FAAH: variants seen among roughly 807,000 people sequenced by gnomAD.
The protein encoded by FAAH is fatty acid amide hydrolase, also known as fatty-acid amide hydrolase 1.
In FAAH, 63 loss-of-function variants were observed where a neutral mutation model predicts 69.7. The observed-to-expected ratio is 0.90, with a 90% CI of 0.74 to 1.12. The LOEUF (loss-of-function observed/expected upper bound fraction) is 1.12. Among genes scored for constraint, FAAH ranks in the 50% most tolerant of loss-of-function variants. The pLI is 0.00. For missense variants in FAAH, 680 were observed against 755.0 expected (o/e 0.90, Z 1.16); for synonymous variants, 305 against 324.2 (o/e 0.94, Z 0.64).
intron 1 of FAAH, 85 bp downstream of exon 1, chr1:46,394,628 G>T: frequency 8.7e-7 from 1 of 1,145,178 alleles, no homozygotes; most frequent in South Asian, 3.1e-5. Flanking sequence ...CGAGGGACAG[G>T]GGATGGGGCG....
Position 46,411,543 on chromosome 1 carries a change from A to AG in FAAH, c.1317-65dup. The AG allele has an allele frequency of 6.5e-7, 1 of 1,543,368 alleles. No homozygotes were observed. The highest frequency in any genetic ancestry group is 8.9e-7 in the Non-Finnish European group (1 of 1,119,448). ...GGGTGAGATCTAGAGGGTTGGCAGT[A>AG]GGGGTCTGATGTTGCTGATCTCCGT... On this transcript the variant is annotated intron_variant, in intron 11 of 14. Coordinates refer to ENST00000243167, the MANE Select transcript of FAAH (RefSeq NM_001441.3). This position sits in a 1 kb window ranked among gnomAD's most constrained non-coding sequence, Gnocchi z 4.8.
At chr1:46,408,328 A>C in intron 7 of FAAH, 131 bp from the exon 8 acceptor site, 3 of 1,203,636 alleles carry the variant, frequency 2.5e-6, no homozygotes, top group Non-Finnish European at 3.7e-6. Flanking sequence ...GGTCAGATGC[A>C]GAAGGGGCTG....
chr1:46,411,543 A>G lies in FAAH; in HGVS notation c.1317-69A>G. 1.9e-6 allele frequency: 3 copies of G among 1,543,368 alleles called. No individual in the cohort carries two copies. The highest frequency in any genetic ancestry group is 2.3e-5 in the East Asian group (1 of 44,052). The stretch of plus-strand genomic sequence containing the variant: ...GGGTGAGATCTAGAGGGTTGGCAGT[A>G]GGGGTCTGATGTTGCTGATCTCCGT... On this transcript the variant is annotated intron_variant, in intron 11 of 14. Transcript: ENST00000243167. The surrounding 1 kb of genome is among the most constrained non-coding windows in gnomAD (Gnocchi z 4.8).
Position 46,404,544 on chromosome 1 carries a change from G to A in FAAH, c.310-470G>A, listed in dbSNP as rs1180312104. 6.6e-6 allele frequency among the ~76,000 whole-genome samples: 1 copy of A among 152,252 alleles called. No homozygotes were observed. The highest frequency in any genetic ancestry group is 1.5e-5 in the Non-Finnish European group (1 of 68,040). Reference sequence around the variant, plus strand: ...CATGTGGGGAAGGCGTGGGGTTGAGGAGAGACTGCTGGGCTCCGGGAGGCA... The same window carrying A: ...CATGTGGGGAAGGCGTGGGGTTGAGAAGAGACTGCTGGGCTCCGGGAGGCA... On this transcript the variant is annotated intron_variant, in intron 2 of 14. Coordinates refer to ENST00000243167, the MANE Select transcript of FAAH (RefSeq NM_001441.3). The surrounding 1 kb of genome is among the most constrained non-coding windows in gnomAD (Gnocchi z 4.5).
rs1664951143 is a variant in FAAH, at chr1:46,413,350, C to A, written c.1612-97C>A. The A allele has an allele frequency of 1.9e-6, 3 of 1,609,628 alleles. No individual in the cohort carries two copies. In the African/African-American group the frequency reaches 4.0e-5, roughly 22 times the overall value. ...AAGACCTGAAGGACTATGGCCTGGC[C>A]CTACGTTGTGGCCTCTCTCTAGCTG... On this transcript the variant is annotated intron_variant, in intron 14 of 14. Transcript: ENST00000243167.
At chr1:46,394,681 A>G in intron 1 of FAAH, 138 bp downstream of exon 1, 4 of 767,482 alleles carry the variant, frequency 5.2e-6, no homozygotes, top group Non-Finnish European at 7.1e-6. Context: ...TCCTTGCCCT[A>G]AGATATTCCG....
At chr1:46,394,591 A>C (rs1664563915) in intron 1 of FAAH, 48 bp downstream of exon 1, 1 of 1,279,282 alleles carries the variant, frequency 7.8e-7, no homozygotes, top group South Asian at 2.7e-5. Flanking sequence ...GGGTACTCGC[A>C]GCGGCACTTT....
chr1:46,413,708 C>T lies in FAAH; in HGVS notation c.*133C>T. On this transcript the variant is annotated 3_prime_UTR_variant, in exon 15 of 15. Coordinates refer to ENST00000243167, the MANE Select transcript of FAAH (RefSeq NM_001441.3). ...GCTTCCGTGTCCTCTCCCCCAACCC[C>T]CTGCAAGAAGCGCCGACTCCCTGAG... 7.3e-7 allele frequency: 1 copy of T among 1,362,594 alleles called. No homozygotes were observed. The highest frequency in any genetic ancestry group is 1.0e-6 in the Non-Finnish European group (1 of 980,066). 84.4% of individuals were successfully genotyped at this position (1,362,594 alleles called of 1,614,324 possible).
rs1297428970 is a variant in FAAH, at chr1:46,402,188, T to A, written c.293T>A (p.Phe98Tyr). The A allele has an allele frequency of 6.2e-7, 1 of 1,603,886 alleles. No individual in the cohort carries two copies. Among genetic ancestry groups the A allele is most frequent in the African/African-American group, 1.3e-5 (1 of 74,898 alleles). ...SRELAPEAVL[F>Y]TYVGKAWEVN... ...GAGCTGGCCCCTGAGGCCGTGCTCT[T>A]CACCTATGTGGGAAAGGTAAGGCCA... Residue 98 changes from phenylalanine (F) to tyrosine (Y), a missense_variant, in exon 2 of 15, where the codon TTC (phenylalanine) becomes TAC (tyrosine). Physicochemically the swap from Phe to Tyr is conservative, Grantham distance 22 (BLOSUM62 3). Transcript: ENST00000243167.
Position 46,410,541 on chromosome 1 carries a change from A to C in FAAH, c.1275+44A>C, listed in dbSNP as rs201009301. On this transcript the variant is annotated intron_variant, in intron 10 of 14. Transcript: ENST00000243167. This position sits in a 1 kb window ranked among gnomAD's most constrained non-coding sequence, Gnocchi z 4.9. Reference sequence around the variant, plus strand: ...GAGGGGCTAGGATGGCTGGGGGGGAACCTAGGGCCTCCTATCGCATGATCC... The same window carrying C: ...GAGGGGCTAGGATGGCTGGGGGGGACCCTAGGGCCTCCTATCGCATGATCC... 48 of 1,550,984 alleles carry C rather than the reference A, an allele frequency of 3.1e-5. No individual in the cohort carries two copies. The East Asian group carries it at 7.9e-4, about 25-fold the overall frequency.
At chr1:46,398,237 G>A (rs567179501) in intron 1 of FAAH, among the ~76,000 whole-genome samples, 2 of 152,192 alleles carry the variant, frequency 1.3e-5, no homozygotes, top group South Asian at 4.1e-4. Context: ...ACCCGGCCAG[G>A]ACGTGGGAGT....
chr1:46,410,527 A>G lies in FAAH; in HGVS notation c.1275+30A>G. The stretch of plus-strand genomic sequence containing the variant: ...GGGCACAAGGAGTGGAGGGGCTAGG[A>G]TGGCTGGGGGGGAACCTAGGGCCTC... On this transcript the variant is annotated intron_variant, in intron 10 of 14. Coordinates refer to ENST00000243167, the MANE Select transcript of FAAH (RefSeq NM_001441.3). This position sits in a 1 kb window ranked among gnomAD's most constrained non-coding sequence, Gnocchi z 4.9. The G allele has an allele frequency of 2.5e-6, 4 of 1,592,340 alleles. No individual in the cohort carries two copies. Among genetic ancestry groups the G allele is most frequent in the Non-Finnish European group, 1.7e-6 (2 of 1,160,710 alleles).
At chr1:46,406,796 C>T (rs1442123182) in intron 7 of FAAH, among the ~76,000 whole-genome samples, 4 of 151,608 alleles carry the variant, frequency 2.6e-5, no homozygotes, top group Non-Finnish European at 4.4e-5. Context: ...GTAGTAGAGA[C>T]GGGGTTTCAC....
chr1:46,394,444 C>T lies in FAAH; in HGVS notation c.96C>T (p.Ser32=), dbSNP rs1046231130. The change falls in exon 1 of 15, where the codon TCC becomes TCT. Residue 32 remains serine (S), a synonymous_variant. Coordinates refer to ENST00000243167, the MANE Select transcript of FAAH (RefSeq NM_001441.3). ...FVAAAVALRW[S]GRRTARGAVV... ...CGGCGGCCGTGGCCCTGCGCTGGTC[C>T]GGGCGCCGGACGGCGCGGGGCGCGG... 8 of 1,389,350 alleles carry T rather than the reference C, an allele frequency of 5.8e-6. No homozygotes were observed. The African/African-American group carries it at 9.1e-5, about 16-fold the overall frequency. 86.1% of individuals were successfully genotyped at this position (1,389,350 alleles called of 1,614,324 possible).
intron 12 of FAAH, 98 bp from the exon 13 acceptor site, chr1:46,412,045 G>T: frequency 9.5e-7 from 1 of 1,050,946 alleles, no homozygotes; most frequent in East Asian, 2.6e-5. Context: ...AGGGGCAGGT[G>T]CTGGGGCCAG....
chr1:46,403,266 G>A (rs1569812696), intron 2 of FAAH, among the ~76,000 whole-genome samples: 1 of 152,168 alleles, frequency 6.6e-6, no homozygotes, highest in African/African-American at 2.4e-5. Flanking sequence ...GAGTAGCTGG[G>A]ATTATAGACA....
In FAAH at chr1:46,394,459, GC is replaced by G; in HGVS notation, c.112del (p.Arg38GlyfsTer38). ...ALRWSGRRTA[R>X]GAVVRARQRQ... Reference sequence around the variant, plus strand: ...TGCGCTGGTCCGGGCGCCGGACGGCGCGGGGCGCGGTGGTCCGGGCGCGACA... The same window carrying G: ...TGCGCTGGTCCGGGCGCCGGACGGCGGGGGCGCGGTGGTCCGGGCGCGACA... On this transcript the variant is annotated frameshift_variant, in exon 1 of 15. Transcript: ENST00000243167. LOFTEE classifies it high-confidence loss of function. 7.3e-7 allele frequency: 1 copy of G among 1,377,788 alleles called. No individual in the cohort carries two copies. Among genetic ancestry groups the G allele is most frequent in the Admixed American group, 3.6e-5 (1 of 27,864 alleles). 85.3% of individuals were successfully genotyped at this position (1,377,788 alleles called of 1,614,324 possible).
chr1:46,399,329 T>G (rs2148445082), intron 1 of FAAH, among the ~76,000 whole-genome samples: 1 of 152,318 alleles, frequency 6.6e-6, no homozygotes, highest in South Asian at 2.1e-4. Flanking sequence ...CCCTGCATTC[T>G]CCGCAAAATC....
At chr1:46,408,916 A>G (rs1400964462) in intron 8 of FAAH, among the ~76,000 whole-genome samples, 185 bp from the exon 9 acceptor site, 3 of 152,020 alleles carry the variant, frequency 2.0e-5, no homozygotes, top group Non-Finnish European at 4.4e-5. Flanking sequence ...GTGGCTCCAG[A>G]CTTCTCTCAT....
Sources: allele counts gnomAD v4.1 joint callset (sites outside exome capture counted in the v4.1 genomes callset), GRCh38; gene constraint gnomAD v4.1.1; non-coding constraint Gnocchi (gnomAD v3.1); transcripts MANE v1.5; gene names NCBI Gene and HGNC (gene_info 2026-07-23, HGNC 2026-07-21).